Variants in GALNTL6 observed in about 807,000 individuals in gnomAD.
The protein encoded by GALNTL6 is polypeptide N-acetylgalactosaminyltransferase-like 6.
Under a neutral mutation model 73.7 loss-of-function variants are expected in GALNTL6, and 46 were observed. The ratio of observed to expected loss-of-function variants is 0.62; its 90% CI spans 0.49 to 0.80. The LOEUF is 0.80. GALNTL6 is among the 30% of genes least tolerant of loss of function. The pLI is 0.00. For synonymous variants in GALNTL6, 259 were observed against 263.7 expected (o/e 0.98, Z 0.17); for missense variants, 604 against 755.0 (o/e 0.80, Z 2.34).
intron 3 of GALNTL6, among the ~76,000 whole-genome samples, chr4:172,240,392 T>G (rs1737384829): frequency 7.2e-6 from 1 of 138,386 alleles, no homozygotes; most frequent in Non-Finnish European, 1.5e-5. Flanking sequence ...CCCGGCTAAT[T>G]TTTTTTTTTT....
At chr4:172,400,373 G>C (rs531896956) in intron 5 of GALNTL6, among the ~76,000 whole-genome samples, 1 of 152,106 alleles carries the variant, frequency 6.6e-6, no homozygotes, top group African/African-American at 2.4e-5. Flanking sequence ...TGTCAGTATA[G>C]ACAAGGATCT....
At chr4:172,311,585 G>T (rs996777513) in intron 3 of GALNTL6, 29 bp from the exon 4 acceptor site, 10 of 1,580,530 alleles carry the variant, frequency 6.3e-6, no homozygotes, top group Non-Finnish European at 8.6e-6. Flanking sequence ...TTATAGAGAT[G>T]ATAATCTCAT....
At chr4:172,736,097 C>T (rs1365469279) in intron 5 of GALNTL6, among the ~76,000 whole-genome samples, 1 of 152,136 alleles carries the variant, frequency 6.6e-6, no homozygotes, top group Non-Finnish European at 1.5e-5. Flanking sequence ...AGGTCCATGT[C>T]CTGCTGGGCA....
At chr4:172,330,024 A>G (rs1250536486) in intron 4 of GALNTL6, among the ~76,000 whole-genome samples, 3 of 152,152 alleles carry the variant, frequency 2.0e-5, no homozygotes, top group Non-Finnish European at 4.4e-5. Flanking sequence ...TAACACTGCT[A>G]CTGGTGGCTG....
intron 5 of GALNTL6, among the ~76,000 whole-genome samples, chr4:172,648,517 A>C (rs1204387097): frequency 1.3e-5 from 2 of 152,180 alleles, no homozygotes; most frequent in Non-Finnish European, 2.9e-5. Flanking sequence ...ATTCATAAGA[A>C]AACTAAGGCT....
chr4:172,860,122 G>A (rs1488803681), intron 7 of GALNTL6, among the ~76,000 whole-genome samples: 7 of 152,028 alleles, frequency 4.6e-5, no homozygotes, highest in Admixed American at 4.6e-4. Flanking sequence ...CAAAAGTTGG[G>A]GACCACTGCT....
At chr4:172,819,029 C>T (rs1188811208) in intron 7 of GALNTL6, among the ~76,000 whole-genome samples, 1 of 152,202 alleles carries the variant, frequency 6.6e-6, no homozygotes, top group Non-Finnish European at 1.5e-5. Context: ...TAGCCGTGAC[C>T]CATTGCCAAG....
chr4:172,445,076 A>G (rs1731972594), intron 5 of GALNTL6, among the ~76,000 whole-genome samples: 1 of 152,154 alleles, frequency 6.6e-6, no homozygotes, highest in African/African-American at 2.4e-5. Context: ...GCAAGCCAAA[A>G]AAGCCCCAGC....
At chr4:172,246,769 G>C (rs1269882939) in intron 3 of GALNTL6, among the ~76,000 whole-genome samples, 1 of 149,764 alleles carries the variant, frequency 6.7e-6, no homozygotes, top group Non-Finnish European at 1.5e-5. Flanking sequence ...GAAAAGTCGT[G>C]TTTTAAGTTA....
chr4:172,232,539 G>A (rs184094017), intron 3 of GALNTL6, among the ~76,000 whole-genome samples: 1 of 151,742 alleles, frequency 6.6e-6, no homozygotes, highest in East Asian at 1.9e-4. Flanking sequence ...ACAATATTAA[G>A]GTACATATTT....
intron 3 of GALNTL6, among the ~76,000 whole-genome samples, chr4:172,301,330 G>C (rs1739910104): frequency 6.6e-6 from 1 of 152,058 alleles, no homozygotes; most frequent in Non-Finnish European, 1.5e-5. Context: ...CCTTTAGCTT[G>C]GAGTAGTTTG....
At chr4:171,925,940 A>C (rs974612188) in intron 2 of GALNTL6, among the ~76,000 whole-genome samples, 2 of 152,210 alleles carry the variant, frequency 1.3e-5, no homozygotes, top group South Asian at 2.1e-4. Context: ...GGCCAAAAAT[A>C]CTTTTTTAAA....
chr4:172,148,051 C>G (rs992015899), intron 2 of GALNTL6, among the ~76,000 whole-genome samples: 4 of 152,106 alleles, frequency 2.6e-5, no homozygotes, highest in Non-Finnish European at 5.9e-5. Flanking sequence ...GAATAACTTA[C>G]TCTCTTTAAA....
chr4:172,680,808 C>T (rs1255941041), intron 5 of GALNTL6, among the ~76,000 whole-genome samples: 3 of 152,162 alleles, frequency 2.0e-5, no homozygotes, highest in African/African-American at 7.2e-5. Context: ...TTATGTCTAG[C>T]ATGGATTGAA....
chr4:172,050,008 G>GAA (rs10716022), intron 2 of GALNTL6, among the ~76,000 whole-genome samples: 2,154 of 151,254 alleles, frequency 0.014, 15 homozygotes, highest in African/African-American at 0.021. Flanking sequence ...GAAGGAAAAA[G>GAA]AAAAAAAAAA....
At chr4:172,913,303 GAAAA>G (rs1236410509) in intron 8 of GALNTL6, among the ~76,000 whole-genome samples, 1 of 152,202 alleles carries the variant, frequency 6.6e-6, no homozygotes, top group Non-Finnish European at 1.5e-5. Flanking sequence ...CAGAAAAGCT[GAAAA>G]TTCTAAAAAT....
At chr4:172,890,309 GT>G (rs1413560669) in intron 8 of GALNTL6, among the ~76,000 whole-genome samples, 3 of 151,972 alleles carry the variant, frequency 2.0e-5, no homozygotes, top group Non-Finnish European at 4.4e-5. Context: ...GGGTTGGAGT[GT>G]TTTTGTTTTT....
In GALNTL6 at chr4:172,801,661, T is replaced by A. The variant is rs181865777; in HGVS notation, c.554-7700T>A. On this transcript the variant is annotated intron_variant, in intron 5 of 12. Coordinates refer to ENST00000506823, the MANE Select transcript of GALNTL6 (RefSeq NM_001034845.3). ...CCATAAGGGGCCATGCCATGGTGAA[T>A]ACATAGGTGCTGTGTTCTAGATGAA... 2.4e-3 allele frequency among the ~76,000 whole-genome samples: 360 copies of A among 152,344 alleles called. 1 individual carries two copies. The highest frequency in any genetic ancestry group is 8.4e-3 in the African/African-American group (350 of 41,580).
chr4:172,146,698 C>G (rs531330632), intron 2 of GALNTL6, among the ~76,000 whole-genome samples: 1 of 152,258 alleles, frequency 6.6e-6, no homozygotes, highest in African/African-American at 2.4e-5. Flanking sequence ...TCTGTCTCAC[C>G]TGCTAAAATG....
Sources: gnomAD v4.1 joint callset for allele counts (sites outside exome capture counted in the v4.1 genomes callset) on GRCh38, gnomAD v4.1.1 for gene constraint, MANE v1.5 for transcripts, NCBI Gene and HGNC (gene_info 2026-07-23, HGNC 2026-07-21) for gene names.